The following GUCY2F variants were observed in gnomAD, a reference collection of about 807,000 sequenced individuals.
GUCY2F encodes the protein retinal guanylyl cyclase 2.
In GUCY2F, 61 loss-of-function variants were observed where a neutral mutation model predicts 73.1. That is an observed-to-expected ratio of 0.83 (90% CI 0.68 to 1.03). GUCY2F has a LOEUF of 1.03. Ranked by LOEUF, GUCY2F falls within the 50% of genes least tolerant of loss-of-function variation. GUCY2F has a pLI of 0.00. For missense variants in GUCY2F, 912 were observed against 854.3 expected (o/e 1.07, Z -0.84); for synonymous variants, 331 against 307.8 (o/e 1.08, Z -0.79).
chrX:109,390,936 T>C (rs771943080), intron 14 of GUCY2F, among the ~76,000 whole-genome samples: 15 of 112,693 alleles, frequency 1.3e-4, no homozygotes, highest in Admixed American at 9.3e-4. Flanking sequence ...TAATCTGAGA[T>C]AAACACACTT....
Position 109,475,683 on chromosome X carries a change from C to T in GUCY2F, c.254G>A (p.Arg85Gln), listed in dbSNP as rs771449020. Reference protein sequence around the residue: ...AARLAIERINRDPSFDLSYSF... With the variant: ...AARLAIERINQDPSFDLSYSF... The stretch of plus-strand genomic sequence containing the variant: ...ATAACTCAGGTCAAAAGATGGGTCC[C>T]GGTTGATTCGCTCAATGGCTAATCG... The change falls in exon 2 of 20, where the codon CGG becomes CAG. Residue 85 changes from arginine to glutamine, a missense_variant. Transcript: ENST00000218006. 11 of 1,211,122 alleles carry T rather than the reference C, an allele frequency of 9.1e-6. No individual in the cohort carries two copies. Among genetic ancestry groups the T allele is most frequent in the Non-Finnish European group, 1.2e-5 (11 of 895,065 alleles).
chrX:109,470,882 C>A (rs1284818745), intron 2 of GUCY2F, among the ~76,000 whole-genome samples: 1 of 111,410 alleles, frequency 9.0e-6, no homozygotes, highest in Non-Finnish European at 1.9e-5. Flanking sequence ...TTATTTAACC[C>A]CTTTTAGCTT....
intron 2 of GUCY2F, among the ~76,000 whole-genome samples, chrX:109,466,376 G>A (rs1277705891): frequency 9.0e-6 from 1 of 111,336 alleles, no homozygotes; most frequent in Non-Finnish European, 1.9e-5. Context: ...TGGGTGAGAT[G>A]TCCAACTTTT....
rs747147313 is a variant in GUCY2F at position 109,465,404 on chromosome X, T to A, written c.770A>T (p.Glu257Val). The A allele has an allele frequency of 8.3e-7, 1 of 1,203,414 alleles. No homozygotes were observed. The highest frequency in any genetic ancestry group is 1.8e-5 in the South Asian group (1 of 56,218). Reference protein sequence around the residue: ...MCMHSALIGGETQMHLLECAH... With the variant: ...MCMHSALIGGVTQMHLLECAH... ...ACATTCCAAGAGATGCATCTGAGTCTCTCCCCCAATCAAAGCTGAATGCAT... is the reference window on the plus strand; with the variant it reads ...ACATTCCAAGAGATGCATCTGAGTCACTCCCCCAATCAAAGCTGAATGCAT... The change falls in exon 3 of 20, where the codon GAG becomes GTG. Residue 257 changes from glutamate (E) to valine (V), a missense_variant. By Grantham distance (121) the Glu-to-Val change is moderately radical (BLOSUM62 -2). Coordinates refer to ENST00000218006, the MANE Select transcript of GUCY2F (RefSeq NM_001522.3).
chrX:109,400,872 T>C (rs1930823905), intron 10 of GUCY2F, among the ~76,000 whole-genome samples: 1 of 112,330 alleles, frequency 8.9e-6, no homozygotes, highest in Non-Finnish European at 1.9e-5. Context: ...TTGCGGGATT[T>C]TAGGCACCAT....
intron 9 of GUCY2F, 76 bp from the exon 10 acceptor site, chrX:109,404,560 G>T: frequency 1.4e-6 from 1 of 694,967 alleles, no homozygotes; most frequent in Non-Finnish European, 2.2e-6. Context: ...TTCTGAGATT[G>T]TTAATGGCAT....
chrX:109,398,744 C>T, intron 10 of GUCY2F, 46 bp from the exon 11 acceptor site: 1 of 1,085,463 alleles, frequency 9.2e-7, no homozygotes, highest in Non-Finnish European at 1.3e-6. Context: ...GATTAACTGA[C>T]AATATCTGCA....
intron 7 of GUCY2F, among the ~76,000 whole-genome samples, chrX:109,432,990 G>A (rs1931650164): frequency 8.9e-6 from 1 of 112,708 alleles, no homozygotes; most frequent in Non-Finnish European, 1.9e-5. Flanking sequence ...ATGTAGATGT[G>A]AGAAGGCTCT....
Position 109,448,057 on chromosome X carries a change from G to A in GUCY2F, c.1569+12C>T. ...GTTGGACAGGGCAGCAAAAGAAGAG[G>A]ATACTCCTTACCTTACTGCCAAAGT... On this transcript the variant is annotated intron_variant, in intron 6 of 19. Transcript: ENST00000218006. 1.2e-6 allele frequency: 1 copy of A among 851,224 alleles called. No individual in the cohort carries two copies. Among genetic ancestry groups the A allele is most frequent in the Non-Finnish European group, 1.8e-6 (1 of 568,575 alleles). 70.2% of individuals were successfully genotyped at this position (851,224 alleles called of 1,213,427 possible). A position where few individuals can be genotyped will look rare whatever the true frequency, so the allele number is the denominator to read the frequency against.
chrX:109,386,300 G>A (rs781704590), intron 15 of GUCY2F, among the ~76,000 whole-genome samples: 2 of 111,877 alleles, frequency 1.8e-5, no homozygotes, highest in Non-Finnish European at 3.8e-5. Context: ...GAAAATGGGA[G>A]GAGGTGCTTA....
intron 10 of GUCY2F, among the ~76,000 whole-genome samples, chrX:109,403,357 A>G (rs1930893184): frequency 9.0e-6 from 1 of 111,432 alleles, no homozygotes; most frequent in African/African-American, 3.3e-5. Context: ...TGGTGTGAAA[A>G]TTGATGATAT....
intron 8 of GUCY2F, among the ~76,000 whole-genome samples, chrX:109,415,932 AG>A (rs1931227966): frequency 8.9e-6 from 1 of 112,123 alleles, no homozygotes; most frequent in African/African-American, 3.2e-5. Flanking sequence ...CAGTAGACAA[AG>A]AAACCTATAA....
chrX:109,469,929 A>C (rs1281239895), intron 2 of GUCY2F, among the ~76,000 whole-genome samples: 1 of 111,738 alleles, frequency 8.9e-6, no homozygotes, highest in East Asian at 2.8e-4. Context: ...TCTATCAGCT[A>C]AGGATACCCC....
chrX:109,396,750 C>A (rs1358492047), intron 11 of GUCY2F, among the ~76,000 whole-genome samples: 2 of 112,512 alleles, frequency 1.8e-5, no homozygotes, highest in Non-Finnish European at 3.8e-5. Flanking sequence ...CTTCTCAGCT[C>A]CTTGTGACAT....
At chrX:109,463,807 C>T (rs1036512928) in intron 3 of GUCY2F, among the ~76,000 whole-genome samples, 1 of 111,315 alleles carries the variant, frequency 9.0e-6, no homozygotes, top group Non-Finnish European at 1.9e-5. Context: ...CATTGCCACC[C>T]GTATGTGATG....
intron 8 of GUCY2F, among the ~76,000 whole-genome samples, chrX:109,426,216 C>T (rs147900057): frequency 0.018 from 2,012 of 111,571 alleles, 42 homozygotes; most frequent in African/African-American, 0.062. Flanking sequence ...AAATGATAGA[C>T]TATAGACTCT....
At chrX:109,412,889 G>A (rs1437343928) in intron 8 of GUCY2F, among the ~76,000 whole-genome samples, 1 of 111,889 alleles carries the variant, frequency 8.9e-6, no homozygotes, top group Admixed American at 9.5e-5. Context: ...TGCAGATGAT[G>A]ACACGGCCCT....
chrX:109,463,486 G>A (rs1439237504), intron 3 of GUCY2F, among the ~76,000 whole-genome samples: 1 of 97,542 alleles, frequency 1.0e-5, no homozygotes, highest in Non-Finnish European at 2.0e-5. Context: ...CGCCCAGGCT[G>A]GAGTGCAGTG....
intron 2 of GUCY2F, 102 bp from the exon 3 acceptor site, chrX:109,465,545 A>C: frequency 1.6e-6 from 1 of 608,219 alleles, no homozygotes; most frequent in Non-Finnish European, 2.7e-6. Flanking sequence ...ACCAATTTGT[A>C]AGTGGTTTCT....
Sources: gnomAD v4.1 joint callset for allele counts (sites outside exome capture counted in the v4.1 genomes callset) on GRCh38, gnomAD v4.1.1 for gene constraint, MANE v1.5 for transcripts, NCBI Gene and HGNC (gene_info 2026-07-23, HGNC 2026-07-21) for gene names.